Variants in KCNT2 observed in about 807,000 individuals in gnomAD.
The protein encoded by KCNT2 is potassium channel subfamily T member 2.
In KCNT2, 67 loss-of-function variants were observed where a neutral mutation model predicts 153.8. The ratio of observed to expected loss-of-function variants is 0.44; its 90% CI spans 0.36 to 0.53. The LOEUF (loss-of-function observed/expected upper bound fraction) is 0.53. Among genes scored for constraint, KCNT2 ranks in the 20% least tolerant of loss-of-function variants. KCNT2 has a pLI of 0.00. For synonymous variants in KCNT2, 500 were observed against 458.8 expected (o/e 1.09, Z -1.15); for missense variants, 975 against 1,354.8 (o/e 0.72, Z 4.40).
Position 196,315,948 on chromosome 1 carries a change from G to T in KCNT2, c.2427C>A (p.Ala809=), listed in dbSNP as rs1351563539. The change falls in exon 21 of 28, where the codon GCC becomes GCA. Residue 809 remains alanine, a synonymous_variant. Coordinates refer to ENST00000294725, the MANE Select transcript of KCNT2 (RefSeq NM_198503.5). The stretch of plus-strand genomic sequence containing the variant: ...TGGCATCTGCCATGTAGTCTTCCTC[G>T]GCACTCATGGTGCTCTCTTTATCCA... The part of the protein sequence containing the change: ...VVVDKESTMS[A]EEDYMADAKT... 1 of 1,609,854 alleles carries T rather than the reference G, an allele frequency of 6.2e-7. No individual in the cohort carries two copies. The highest frequency in any genetic ancestry group is 2.2e-5 in the East Asian group (1 of 44,666).
chr1:196,600,058 T>G (rs1374805460), intron 1 of KCNT2, among the ~76,000 whole-genome samples: 2 of 152,200 alleles, frequency 1.3e-5, no homozygotes, highest in Non-Finnish European at 2.9e-5. Flanking sequence ...TTATACTACA[T>G]GTAAGACTTT....
chr1:196,473,798 C>T (rs1678296964), intron 5 of KCNT2, among the ~76,000 whole-genome samples: 1 of 151,852 alleles, frequency 6.6e-6, no homozygotes, highest in African/African-American at 2.4e-5. Context: ...TCACAAAAAC[C>T]TAAGGATAAA....
chr1:196,235,808 CAT>C (rs1282882189), intron 27 of KCNT2, among the ~76,000 whole-genome samples, 176 bp downstream of exon 27: 6 of 151,374 alleles, frequency 4.0e-5, no homozygotes, highest in Non-Finnish European at 7.4e-5. Context: ...TTTAAACAAT[CAT>C]ATTTTTATAT....
chr1:196,596,943 G>A (rs1664156784), intron 1 of KCNT2, among the ~76,000 whole-genome samples: 1 of 152,084 alleles, frequency 6.6e-6, no homozygotes, highest in South Asian at 2.1e-4. Flanking sequence ...CAAGCAATCT[G>A]CCTGCCTTGG....
At chr1:196,303,728 G>C (rs1661389390) in intron 22 of KCNT2, among the ~76,000 whole-genome samples, 1 of 152,002 alleles carries the variant, frequency 6.6e-6, no homozygotes, top group South Asian at 2.1e-4. Context: ...GAATCCCAAG[G>C]CTACGAAATA....
At chr1:196,528,481 C>A (rs1041724221) in intron 1 of KCNT2, among the ~76,000 whole-genome samples, 1 of 152,122 alleles carries the variant, frequency 6.6e-6, no homozygotes, top group Non-Finnish European at 1.5e-5. Flanking sequence ...ATGGCATGAA[C>A]TAACTTCTTA....
At position 196,228,325 on chromosome 1, in the gene KCNT2, G is replaced by C; in HGVS notation, c.3307C>G (p.Arg1103Gly). ...GGAAGGTAGGCCAGTGGATCTGGTCGAATTAAGTATCTAATAAAAGAAAAC... is the reference window on the plus strand; with the variant it reads ...GGAAGGTAGGCCAGTGGATCTGGTCCAATTAAGTATCTAATAAAAGAAAAC... ...IELNDVVYLI[R>G]PDPLAYLPNS... is the part of the protein sequence containing the mutation. Residue 1103 changes from arginine (R) to glycine (G), a missense_variant, in exon 28 of 28, where the codon CGA becomes GGA. Physicochemically the swap from Arg to Gly is moderately radical, Grantham distance 125 (BLOSUM62 -2). Transcript: ENST00000294725. The C allele has an allele frequency of 6.3e-7, 1 of 1,587,050 alleles. No homozygotes were observed. The highest frequency in any genetic ancestry group is 8.6e-7 in the Non-Finnish European group (1 of 1,158,150).
intron 8 of KCNT2, among the ~76,000 whole-genome samples, chr1:196,443,292 G>A (rs1339669964): frequency 6.6e-6 from 1 of 151,496 alleles, no homozygotes; most frequent in African/African-American, 2.4e-5. Flanking sequence ...CATAGTAACT[G>A]ACCTAAGACT....
Position 196,246,993 on chromosome 1 carries a change from C to T in KCNT2, c.3212-10923G>A, listed in dbSNP as rs1655510985. Reference sequence around the variant, plus strand: ...CCTCCCAATCAAAATACAAGAGCACCTGAATGAATTAGAAAAACAAGACTT... The same window carrying T: ...CCTCCCAATCAAAATACAAGAGCACTTGAATGAATTAGAAAAACAAGACTT... On this transcript the variant is annotated intron_variant, in intron 26 of 27. Coordinates refer to ENST00000294725, the MANE Select transcript of KCNT2 (RefSeq NM_198503.5). 2.0e-5 allele frequency among the ~76,000 whole-genome samples: 3 copies of T among 151,894 alleles called. No individual in the cohort carries two copies. The East Asian group carries it at 5.8e-4, about 29-fold the overall frequency.
Position 196,425,951 on chromosome 1 carries a change from T to A in KCNT2, c.1022A>T (p.Asp341Val). Residue 341 changes from aspartate (D) to valine (V), a missense_variant, in exon 11 of 28, where the codon GAT (aspartate) becomes GTT (valine). Physicochemically the swap from Asp to Val is radical, Grantham distance 152. Around this residue, in one of 6 missense-constraint regions of KCNT2, gnomAD observed 202 missense variants for 314.9 expected, o/e 0.64. Transcript: ENST00000294725. ...CTGCAGTACCCTTCGAACCTGTACA[T>A]CCATTTCAGTAGGACACAAAATCAC... ...YVVILCPTEM[D>V]VQVRRVLQIP... is the part of the protein sequence containing the mutation. 1 of 1,612,160 alleles carries A rather than the reference T, an allele frequency of 6.2e-7. No individual in the cohort carries two copies. The highest frequency in any genetic ancestry group is 8.5e-7 in the Non-Finnish European group (1 of 1,178,820).
intron 8 of KCNT2, among the ~76,000 whole-genome samples, chr1:196,444,364 A>G (rs569374515): frequency 3.3e-5 from 5 of 151,514 alleles, no homozygotes; most frequent in Admixed American, 6.6e-5. Flanking sequence ...TCTAAGAATT[A>G]TGTTTCCCTT....
chr1:196,377,067 G>A (rs1669030662), intron 13 of KCNT2, among the ~76,000 whole-genome samples: 1 of 151,916 alleles, frequency 6.6e-6, no homozygotes. Context: ...GGTGGTCAGA[G>A]AAGGACACAC....
At chr1:196,281,078 T>TG in intron 24 of KCNT2, 90 bp from the exon 25 acceptor site, 2 of 1,026,540 alleles carry the variant, frequency 1.9e-6, no homozygotes, top group Non-Finnish European at 2.9e-6. Context: ...CTTATTTTTG[T>TG]GGGGGGCAGG....
At chr1:196,596,710 C>T (rs1664130747) in intron 1 of KCNT2, among the ~76,000 whole-genome samples, 1 of 151,880 alleles carries the variant, frequency 6.6e-6, no homozygotes, top group African/African-American at 2.4e-5. Context: ...CTTTATTTTT[C>T]AATTATTTAT....
chr1:196,428,360 A>G (rs1673836444), intron 9 of KCNT2, 91 bp from the exon 10 acceptor site: 6 of 861,254 alleles, frequency 7.0e-6, no homozygotes, highest in Non-Finnish European at 1.1e-5. Context: ...GGTATTTTCA[A>G]TTTCCTAGAT....
At chr1:196,470,997 C>G (rs1678053781) in intron 5 of KCNT2, among the ~76,000 whole-genome samples, 1 of 151,594 alleles carries the variant, frequency 6.6e-6, no homozygotes, top group Non-Finnish European at 1.5e-5. Flanking sequence ...TCTCCTGCCT[C>G]AGCCTCCCAA....
intron 22 of KCNT2, among the ~76,000 whole-genome samples, chr1:196,291,373 C>T (rs1660169759): frequency 6.6e-6 from 1 of 151,868 alleles, no homozygotes; most frequent in Non-Finnish European, 1.5e-5. Flanking sequence ...ACACTATTTT[C>T]AAAACCTATT....
chr1:196,268,465 C>T (rs1312026980), intron 25 of KCNT2, among the ~76,000 whole-genome samples: 1 of 152,090 alleles, frequency 6.6e-6, no homozygotes, highest in Admixed American at 6.6e-5. Flanking sequence ...TAACTTTCAT[C>T]TCCCTACTAA....
chr1:196,452,600 C>T (rs1237325615), intron 8 of KCNT2, among the ~76,000 whole-genome samples: 1 of 151,874 alleles, frequency 6.6e-6, no homozygotes, highest in Non-Finnish European at 1.5e-5. Flanking sequence ...TCCTGTCTGT[C>T]TTGTCATTTG....
Sources: gnomAD v4.1 joint callset for allele counts (sites outside exome capture counted in the v4.1 genomes callset) on GRCh38, gnomAD v4.1.1 for gene constraint, gnomAD v4.1.1 regional missense constraint, MANE v1.5 for transcripts, NCBI Gene and HGNC (gene_info 2026-07-23, HGNC 2026-07-21) for gene names.